Variants in LHFPL6 observed in about 807,000 individuals in gnomAD.
LHFPL6 encodes LHFPL tetraspan subfamily member 6 protein.
LHFPL6 carries 9 observed loss-of-function variants against 20.6 expected under a neutral mutation model. The observed-to-expected ratio is 0.44, with a 90% confidence interval of 0.26 to 0.76. The LOEUF (loss-of-function observed/expected upper bound fraction) is 0.76, where lower values mean the gene tolerates loss of function less well. Among genes scored for constraint, LHFPL6 ranks in the 30% least tolerant of loss-of-function variants. LHFPL6 has a pLI of 0.20. For missense variants in LHFPL6, 218 were observed against 253.5 expected, an observed-to-expected ratio of 0.86 and a Z score of 0.95; for synonymous variants, 105 against 98.7, an observed-to-expected ratio of 1.06 and a Z score of -0.38.
chr13:39,430,598 T>A (rs1169514792), intron 2 of LHFPL6, among the ~76,000 whole-genome samples: 1 of 152,168 alleles, frequency 6.6e-6, no homozygotes, highest in Non-Finnish European at 1.5e-5. Context: ...CTGGGTTGAG[T>A]GGGGACTTGG....
At chr13:39,345,536 A>AAAAAAAAAAAAAAAAAAAAAAAAAAC (rs1869376407) in intron 3 of LHFPL6, among the ~76,000 whole-genome samples, 2 of 145,806 alleles carry the variant, frequency 1.4e-5, no homozygotes, top group South Asian at 2.2e-4. Context: ...AAAAAAAAAA[A>AAAAAAAAAAAAAAAAAAAAAAAAAAC]AAAAGAAAGA....
intron 3 of LHFPL6, among the ~76,000 whole-genome samples, chr13:39,374,042 AT>A (rs1338665005): frequency 2.0e-5 from 3 of 152,176 alleles, no homozygotes; most frequent in Admixed American, 6.5e-5. Flanking sequence ...ACAAAAGAAA[AT>A]AAATCATTCT....
chr13:39,390,608 G>C (rs551238241), intron 2 of LHFPL6, among the ~76,000 whole-genome samples: 1 of 152,248 alleles, frequency 6.6e-6, no homozygotes, highest in African/African-American at 2.4e-5. Flanking sequence ...CACTATTTAG[G>C]GGATGGCTAC....
intron 2 of LHFPL6, among the ~76,000 whole-genome samples, chr13:39,545,282 G>C (rs1870945809): frequency 6.8e-6 from 1 of 147,106 alleles, no homozygotes; most frequent in South Asian, 2.2e-4. Flanking sequence ...CTAAGGGTAA[G>C]TGGTCAGAAA....
chr13:39,394,985 C>G (rs565485920), intron 2 of LHFPL6, among the ~76,000 whole-genome samples: 2 of 152,162 alleles, frequency 1.3e-5, no homozygotes, highest in Admixed American at 6.5e-5. Flanking sequence ...CTACCCTAAG[C>G]GTGAGACACC....
chr13:39,507,218 C>G (rs1231231219), intron 2 of LHFPL6, among the ~76,000 whole-genome samples: 1 of 152,164 alleles, frequency 6.6e-6, no homozygotes, highest in Admixed American at 6.5e-5. Flanking sequence ...TCACGGGTAG[C>G]CAACAGAAGC....
At chr13:39,359,379 T>C (rs1215937121) in intron 3 of LHFPL6, among the ~76,000 whole-genome samples, 3 of 152,184 alleles carry the variant, frequency 2.0e-5, no homozygotes, top group South Asian at 2.1e-4. Flanking sequence ...TGCACCTGTA[T>C]TGATCACTGC....
At chr13:39,420,500 G>GT (rs1871453577) in intron 2 of LHFPL6, among the ~76,000 whole-genome samples, 1 of 152,130 alleles carries the variant, frequency 6.6e-6, no homozygotes, top group Admixed American at 6.5e-5. Context: ...GTATCAAAAT[G>GT]ACAAGATTTT....
At chr13:39,426,707 TA>T (rs1871647690) in intron 2 of LHFPL6, among the ~76,000 whole-genome samples, 1 of 152,186 alleles carries the variant, frequency 6.6e-6, no homozygotes. Context: ...TGTACGTACA[TA>T]AAATAGTTTG....
intron 2 of LHFPL6, among the ~76,000 whole-genome samples, chr13:39,409,926 T>C (rs1871209508): frequency 6.6e-6 from 1 of 152,246 alleles, no homozygotes; most frequent in Admixed American, 6.5e-5. Flanking sequence ...GCAAGATCTC[T>C]AAGCCAACTT....
At chr13:39,562,327 AGT>A (rs535364499) in intron 2 of LHFPL6, among the ~76,000 whole-genome samples, 7 of 143,110 alleles carry the variant, frequency 4.9e-5, no homozygotes, top group East Asian at 2.0e-4. Flanking sequence ...CCATGTTCTG[AGT>A]GTGTGTGTGT....
At chr13:39,553,680 A>G (rs1264069940) in intron 2 of LHFPL6, among the ~76,000 whole-genome samples, 1 of 152,232 alleles carries the variant, frequency 6.6e-6, no homozygotes, top group Non-Finnish European at 1.5e-5. Context: ...CCACTGCGCT[A>G]CAGCCTGGGT....
chr13:39,352,925 ATG>A (rs1566091659), intron 3 of LHFPL6, among the ~76,000 whole-genome samples: 14 of 55,674 alleles, frequency 2.5e-4, no homozygotes, highest in African/African-American at 4.5e-4. Flanking sequence ...ATATATATAA[ATG>A]TATATATATG....
chr13:39,523,547 GAAA>G (rs10588059), intron 2 of LHFPL6, among the ~76,000 whole-genome samples: 1,970 of 129,968 alleles, frequency 0.015, 39 homozygotes, highest in African/African-American at 0.047. Context: ...GTCTCAAAAG[GAAA>G]AAAAAAAAAA....
intron 2 of LHFPL6, among the ~76,000 whole-genome samples, chr13:39,570,061 G>A (rs1871865550): frequency 6.6e-6 from 1 of 152,082 alleles, no homozygotes; most frequent in Non-Finnish European, 1.5e-5. Flanking sequence ...AATGGCCTGA[G>A]GAAAAGTCAT....
chr13:39,465,094 T>C (rs1429254762), intron 2 of LHFPL6, among the ~76,000 whole-genome samples: 1 of 152,184 alleles, frequency 6.6e-6, no homozygotes, highest in African/African-American at 2.4e-5. Context: ...TTACTTGCTA[T>C]GGCAATAAAG....
At chr13:39,467,818 T>A (rs1236071675) in intron 2 of LHFPL6, among the ~76,000 whole-genome samples, 1 of 152,172 alleles carries the variant, frequency 6.6e-6, no homozygotes, top group Non-Finnish European at 1.5e-5. Flanking sequence ...TATTTACTGC[T>A]CTTGAAATTG....
At chr13:39,409,040 T>C (rs907692290) in intron 2 of LHFPL6, among the ~76,000 whole-genome samples, 9 of 152,246 alleles carry the variant, frequency 5.9e-5, no homozygotes, top group African/African-American at 2.2e-4. Context: ...ATGAGGAATT[T>C]GTAGCGTTAA....
At chr13:39,380,166 A>G (rs1276853480) in intron 2 of LHFPL6, among the ~76,000 whole-genome samples, 1 of 152,246 alleles carries the variant, frequency 6.6e-6, no homozygotes, top group Non-Finnish European at 1.5e-5. Flanking sequence ...TGAATGTTTA[A>G]TAAACAATGA....
Sources: gnomAD v4.1 joint callset for allele counts (sites outside exome capture counted in the v4.1 genomes callset) on GRCh38, gnomAD v4.1.1 for gene constraint, MANE v1.5 for transcripts, NCBI Gene and HGNC (gene_info 2026-07-23, HGNC 2026-07-21) for gene names.